The following LRRC7 variants were observed in gnomAD, a reference collection of about 807,000 sequenced individuals.
LRRC7 encodes the protein leucine rich repeat containing 7, also known as leucine-rich repeat-containing protein 7.
In LRRC7, 23 loss-of-function variants were observed where a neutral mutation model predicts 175.7. That is an observed-to-expected ratio of 0.13 (90% CI 0.09 to 0.19). LRRC7 has a LOEUF of 0.19. LRRC7 is among the 10% of genes least tolerant of loss of function. LRRC7 has a pLI of 1.00. For missense variants in LRRC7, 1,354 were observed against 1,904.7 expected (o/e 0.71, Z 5.38); for synonymous variants, 685 against 680.9 (o/e 1.01, Z -0.09).
chr1:69,669,393 A>G (rs1658732115), intron 1 of LRRC7, among the ~76,000 whole-genome samples: 1 of 151,842 alleles, frequency 6.6e-6, no homozygotes, highest in African/African-American at 2.4e-5. Context: ...ATGTCATGCC[A>G]TTCTCTCATG....
At chr1:70,086,340 A>T (rs1663607621) in intron 24 of LRRC7, among the ~76,000 whole-genome samples, 1 of 152,130 alleles carries the variant, frequency 6.6e-6, no homozygotes, top group African/African-American at 2.4e-5. Context: ...AATAAGACCC[A>T]GTATTGTAAT....
chr1:69,778,635 A>G (rs540961865), intron 3 of LRRC7, among the ~76,000 whole-genome samples: 1 of 152,244 alleles, frequency 6.6e-6, no homozygotes, highest in Admixed American at 6.5e-5. Context: ...GGAACCTTAG[A>G]GAACATGGAA....
At chr1:69,852,248 A>G (rs745742158) in intron 7 of LRRC7, among the ~76,000 whole-genome samples, 23 of 152,094 alleles carry the variant, frequency 1.5e-4, no homozygotes, top group Admixed American at 5.9e-4. Context: ...AAAACTACAT[A>G]TATCTTATTC....
intron 7 of LRRC7, among the ~76,000 whole-genome samples, chr1:69,918,778 C>A (rs538591927): frequency 1.3e-5 from 2 of 151,970 alleles, no homozygotes; most frequent in Non-Finnish European, 2.9e-5. Context: ...ATGGAAACTA[C>A]GGTCATATAA....
At chr1:69,937,652 T>C (rs960694419) in intron 8 of LRRC7, among the ~76,000 whole-genome samples, 2 of 151,998 alleles carry the variant, frequency 1.3e-5, no homozygotes, top group African/African-American at 4.8e-5. Flanking sequence ...TTTTGGAAAA[T>C]TATCAGCCCT....
chr1:69,875,979 A>G (rs936105942), intron 7 of LRRC7, among the ~76,000 whole-genome samples: 4 of 152,132 alleles, frequency 2.6e-5, no homozygotes, highest in South Asian at 2.1e-4. Flanking sequence ...TTCCTTCTTC[A>G]TAATATTAGA....
At chr1:70,014,574 A>G (rs918980771) in intron 13 of LRRC7, among the ~76,000 whole-genome samples, 4 of 152,082 alleles carry the variant, frequency 2.6e-5, no homozygotes, top group African/African-American at 9.7e-5. Context: ...CAATCAGTAA[A>G]TCAAGCAGAG....
Position 70,000,871 on chromosome 1 carries a change from G to A in LRRC7, c.1004+6238G>A, listed in dbSNP as rs574237556. ...GATGTTAACAATGCTGCAGATTCAC[G>A]GGAAACATTGTGAATAACAAGGCTA... On this transcript the variant is annotated intron_variant, in intron 11 of 26. Coordinates refer to ENST00000651989, the MANE Select transcript of LRRC7 (RefSeq NM_001370785.2). Among the ~76,000 whole-genome samples, 25 of 152,216 alleles carry A rather than the reference G, an allele frequency of 1.6e-4. No individual in the cohort carries two copies. The South Asian group carries it at 3.1e-3, about 19-fold the overall frequency.
At chr1:69,880,809 T>C (rs1052373020) in intron 7 of LRRC7, among the ~76,000 whole-genome samples, 1 of 152,222 alleles carries the variant, frequency 6.6e-6, no homozygotes, top group African/African-American at 2.4e-5. Flanking sequence ...AGGTTGTTCC[T>C]TAAATCAGGG....
chr1:69,942,544 T>C (rs981329222), intron 8 of LRRC7, among the ~76,000 whole-genome samples: 3 of 152,066 alleles, frequency 2.0e-5, no homozygotes, highest in Admixed American at 6.6e-5. Flanking sequence ...GCACTCCTTC[T>C]AAAGGCACTA....
chr1:69,808,845 TAAG>T (rs1010350732), intron 4 of LRRC7, among the ~76,000 whole-genome samples: 1 of 151,802 alleles, frequency 6.6e-6, no homozygotes, highest in Non-Finnish European at 1.5e-5. Flanking sequence ...ACATCACAAT[TAAG>T]AGAACTGGAG....
intron 22 of LRRC7, among the ~76,000 whole-genome samples, chr1:70,048,737 G>C (rs1422227587): frequency 6.6e-6 from 1 of 152,078 alleles, no homozygotes; most frequent in Non-Finnish European, 1.5e-5. Context: ...AGTTAGCTGA[G>C]TTTAATGAAT....
At chr1:70,058,000 C>T (rs894971606) in intron 23 of LRRC7, among the ~76,000 whole-genome samples, 2 of 151,380 alleles carry the variant, frequency 1.3e-5, no homozygotes, top group African/African-American at 4.8e-5. Context: ...GCTATGCAGT[C>T]CCAGACTCAC....
chr1:70,062,542 G>C (rs1466659405), intron 23 of LRRC7, among the ~76,000 whole-genome samples: 1 of 151,938 alleles, frequency 6.6e-6, no homozygotes, highest in African/African-American at 2.4e-5. Context: ...ATTGATATAA[G>C]ATAGAGATGG....
intron 2 of LRRC7, among the ~76,000 whole-genome samples, chr1:69,752,276 C>A (rs2100902012): frequency 6.6e-6 from 1 of 152,222 alleles, no homozygotes; most frequent in Non-Finnish European, 1.5e-5. Flanking sequence ...AAAAAGGTTT[C>A]TCAATGAATA....
intron 7 of LRRC7, chr1:69,919,769 C>T (rs1283470774): frequency 9.6e-6 from 9 of 939,598 alleles, no homozygotes; most frequent in Non-Finnish European, 1.2e-5. Flanking sequence ...CTGGTTTGCG[C>T]GGCGGACGGG....
chr1:69,919,897 CG>C (rs1413180411), intron 7 of LRRC7: 1 of 662,116 alleles, frequency 1.5e-6, no homozygotes, highest in Non-Finnish European at 2.8e-6. Flanking sequence ...GGCCAGTGGC[CG>C]AACCCCCCAC....
intron 11 of LRRC7, among the ~76,000 whole-genome samples, chr1:69,999,523 G>A (rs1304505066): frequency 6.6e-6 from 1 of 152,208 alleles, no homozygotes; most frequent in Non-Finnish European, 1.5e-5. Context: ...TCTTAGGGAA[G>A]TAGGGAGAAA....
chr1:69,880,549 T>G (rs1006612342), intron 7 of LRRC7, among the ~76,000 whole-genome samples: 32 of 152,138 alleles, frequency 2.1e-4, no homozygotes, highest in Non-Finnish European at 4.1e-4. Context: ...GGACAGAAAT[T>G]GCCATTTGGG....
Sources: gnomAD v4.1 joint callset for allele counts (sites outside exome capture counted in the v4.1 genomes callset) on GRCh38, gnomAD v4.1.1 for gene constraint, MANE v1.5 for transcripts, NCBI Gene and HGNC (gene_info 2026-07-23, HGNC 2026-07-21) for gene names.